MMP20: variants seen among roughly 807,000 people sequenced by gnomAD.
The protein encoded by MMP20 is matrix metalloproteinase-20.
Under a neutral mutation model 51.8 loss-of-function variants are expected in MMP20, and 50 were observed. That is an observed-to-expected ratio of 0.97 (90% confidence interval 0.77 to 1.22). The LOEUF (loss-of-function observed/expected upper bound fraction) is 1.22. MMP20 is among the 50% of genes most tolerant of loss of function. The pLI, the probability that MMP20 is intolerant of heterozygous loss-of-function variation, is 0.00. For synonymous variants in MMP20, 244 were observed against 216.2 expected, an observed-to-expected ratio of 1.13 and a Z score of -1.13; for missense variants, 663 against 601.4, an observed-to-expected ratio of 1.10 and a Z score of -1.07.
In MMP20 at chr11:102,616,838, T is replaced by C; in HGVS notation, c.348A>G (p.Lys116=). 2 of 1,614,214 alleles carry C rather than the reference T, an allele frequency of 1.2e-6. No individual in the cohort carries two copies. Among genetic ancestry groups the C allele is most frequent in the Non-Finnish European group, 1.7e-6 (2 of 1,180,022 alleles). The change falls in exon 2 of 10, where the codon AAA becomes AAG. Residue 116 remains lysine (K), a synonymous_variant. Coordinates refer to ENST00000260228, the MANE Select transcript of MMP20 (RefSeq NM_004771.4). ...TGTATGTCAAAGTATTTTTTTTCCA[T>C]TTGGGTTCACCAGGGAAGAGGCGAT... ...ANYRLFPGEP[K]WKKNTLTYRI... is the part of the protein sequence containing the mutation.
At chr11:102,599,987 T>C (rs1176072610) in intron 6 of MMP20, among the ~76,000 whole-genome samples, 2 of 152,170 alleles carry the variant, frequency 1.3e-5, no homozygotes, top group Non-Finnish European at 1.5e-5. Flanking sequence ...CCTGTGAACA[T>C]GTAAAGGGCC....
At chr11:102,615,815 T>C (rs1331697949) in intron 2 of MMP20, among the ~76,000 whole-genome samples, 1 of 152,130 alleles carries the variant, frequency 6.6e-6, no homozygotes, top group Admixed American at 6.5e-5. Flanking sequence ...GTGCAAGGCC[T>C]GGGGCAGGAC....
At chr11:102,620,129 C>T (rs572019783) in intron 1 of MMP20, among the ~76,000 whole-genome samples, 8 of 152,080 alleles carry the variant, frequency 5.3e-5, no homozygotes, top group Non-Finnish European at 7.4e-5. Context: ...AGTCAGGCAC[C>T]GTTTTGCCTT....
chr11:102,616,233 T>C (rs1325513415), intron 2 of MMP20, among the ~76,000 whole-genome samples: 2 of 152,178 alleles, frequency 1.3e-5, no homozygotes, highest in Non-Finnish European at 2.9e-5. Context: ...GGCCACTTGG[T>C]AGCTCTGTCC....
At chr11:102,614,701 T>C (rs1859645067) in intron 2 of MMP20, among the ~76,000 whole-genome samples, 1 of 152,134 alleles carries the variant, frequency 6.6e-6, no homozygotes, top group African/African-American at 2.4e-5. Flanking sequence ...AGGTAACAAG[T>C]GGCCTAGGGG....
chr11:102,599,073 C>G (rs1053764955), intron 6 of MMP20, among the ~76,000 whole-genome samples: 1 of 149,078 alleles, frequency 6.7e-6, no homozygotes, highest in East Asian at 2.0e-4. Context: ...AGTGCAGCGG[C>G]GCAATCTCAG....
chr11:102,618,028 A>C (rs1009647256), intron 1 of MMP20, among the ~76,000 whole-genome samples: 1 of 152,226 alleles, frequency 6.6e-6, no homozygotes, highest in Non-Finnish European at 1.5e-5. Context: ...TAATATTTGC[A>C]TACAACTTAA....
Position 102,607,583 on chromosome 11 carries a change from T to A in MMP20, c.812-907A>T, listed in dbSNP as rs547248473. On this transcript the variant is annotated intron_variant, in intron 5 of 9. Coordinates refer to ENST00000260228, the MANE Select transcript of MMP20 (RefSeq NM_004771.4). The stretch of plus-strand genomic sequence containing the variant: ...GCGAAGATCAGAGGCGGGGTGAGGC[T>A]TTGGGAGAATATCGAAGCTGGAAAT... 3 of 152,420 alleles carry A rather than the reference T, an allele frequency of 2.0e-5. No individual in the cohort carries two copies. The East Asian group carries it at 5.8e-4, about 29-fold the overall frequency. The allele number at this position is 152,420 out of a possible 1,614,324, so 9.4% of individuals were successfully genotyped here.
chr11:102,610,044 G>C lies in MMP20; in HGVS notation c.524-14C>G. The C allele has an allele frequency of 6.2e-7, 1 of 1,613,942 alleles. No homozygotes were observed. The highest frequency in any genetic ancestry group is 8.5e-7 in the Non-Finnish European group (1 of 1,179,948). On this transcript the variant is annotated splice_polypyrimidine_tract_variant and intron_variant, in intron 3 of 9. Coordinates refer to ENST00000260228, the MANE Select transcript of MMP20 (RefSeq NM_004771.4). Reference sequence around the variant, plus strand: ...AATCCCCGTGATCTAAACAAGTGGGGAGAAAGGCCAACAAGATTGAGTCCT... The same window carrying C: ...AATCCCCGTGATCTAAACAAGTGGGCAGAAAGGCCAACAAGATTGAGTCCT...
chr11:102,612,881 T>C (rs1280121463), intron 2 of MMP20, among the ~76,000 whole-genome samples: 1 of 151,828 alleles, frequency 6.6e-6, no homozygotes, highest in African/African-American at 2.4e-5. Flanking sequence ...GGATTATAGG[T>C]GCCCGCCACC....
intron 6 of MMP20, among the ~76,000 whole-genome samples, chr11:102,604,429 T>C (rs1221002646): frequency 1.3e-5 from 2 of 152,242 alleles, no homozygotes; most frequent in Admixed American, 1.3e-4. Context: ...AAAGAATAAA[T>C]TGGGTTCTCT....
chr11:102,616,710 C>G, intron 2 of MMP20, 102 bp downstream of exon 2: 13 of 1,481,866 alleles, frequency 8.8e-6, no homozygotes, highest in Non-Finnish European at 1.2e-5. Flanking sequence ...TGTGAGGTGT[C>G]AGGATTTTTA....
chr11:102,592,519 T>A (rs1179097937), intron 8 of MMP20, among the ~76,000 whole-genome samples: 3 of 152,212 alleles, frequency 2.0e-5, no homozygotes, highest in African/African-American at 7.2e-5. Flanking sequence ...ATGACAAATA[T>A]TTGTTTTGAA....
chr11:102,620,219 G>C (rs541795697), intron 1 of MMP20, among the ~76,000 whole-genome samples: 1 of 152,212 alleles, frequency 6.6e-6, no homozygotes, highest in African/African-American at 2.4e-5. Context: ...TTTTTCTTTA[G>C]GCAAAATATG....
At chr11:102,617,128 G>C in intron 1 of MMP20, 69 bp from the exon 2 acceptor site, 1 of 1,572,916 alleles carries the variant, frequency 6.4e-7, no homozygotes, top group Non-Finnish European at 8.7e-7. Context: ...AGGTAAGGCA[G>C]GGGACAGCAT....
chr11:102,593,056 C>T (rs969426724), intron 8 of MMP20, among the ~76,000 whole-genome samples: 9 of 152,144 alleles, frequency 5.9e-5, no homozygotes, highest in Admixed American at 4.6e-4. Context: ...CATTTTGCCC[C>T]AAATCATGGA....
chr11:102,607,419 C>T (rs1370738815), intron 5 of MMP20: 2 of 153,102 alleles, frequency 1.3e-5, no homozygotes, highest in African/African-American at 2.4e-5. Flanking sequence ...CTGGCAGGTT[C>T]CTGCTCTTTG....
At position 102,601,239 on chromosome 11, in the gene MMP20, T is replaced by C; in HGVS notation, c.953+5296A>G. Among the ~76,000 whole-genome samples, 2 of 53,660 alleles carry C rather than the reference T, an allele frequency of 3.7e-5. 1 individual carries two copies. Among genetic ancestry groups the C allele is most frequent in the Non-Finnish European group, 8.7e-5 (2 of 23,070 alleles). 35.2% of individuals were successfully genotyped at this position (53,660 alleles called of 152,430 possible). A position where few individuals can be genotyped will look rare whatever the true frequency, so the allele number is the denominator to read the frequency against. On this transcript the variant is annotated intron_variant, in intron 6 of 9. Coordinates refer to ENST00000260228, the MANE Select transcript of MMP20 (RefSeq NM_004771.4). ...GCTCCGCCTCCCGGGTTCACGCCAT[T>C]CTCCTGCCTCAGCCTCCCAAGTAGC...
At chr11:102,593,318 C>G in intron 8 of MMP20, 121 bp downstream of exon 8, 1 of 941,494 alleles carries the variant, frequency 1.1e-6, no homozygotes, top group Non-Finnish European at 1.6e-6. Context: ...ACCCCAGTGG[C>G]CGAGAAGAGT....
Sources: allele counts gnomAD v4.1 joint callset (sites outside exome capture counted in the v4.1 genomes callset), GRCh38; gene constraint gnomAD v4.1.1; transcripts MANE v1.5; gene names NCBI Gene and HGNC (gene_info 2026-07-23, HGNC 2026-07-21).